Variants in PCDH15 observed in about 807,000 individuals in gnomAD.
PCDH15 encodes protocadherin related 15.
Under a neutral mutation model 178.5 loss-of-function variants are expected in PCDH15, and 129 were observed. The observed-to-expected ratio is 0.72, with a 90% CI of 0.63 to 0.84. PCDH15 has a LOEUF of 0.84. PCDH15 is among the 40% of genes least tolerant of loss of function. PCDH15 has a pLI of 0.00. For missense variants in PCDH15, 2,230 were observed against 2,099.9 expected (o/e 1.06, Z -1.21); for synonymous variants, 800 against 732.0 (o/e 1.09, Z -1.50).
At chr10:54,111,917 A>G (rs1481617064) in intron 15 of PCDH15, among the ~76,000 whole-genome samples, 2 of 149,846 alleles carry the variant, frequency 1.3e-5, no homozygotes, top group African/African-American at 4.9e-5. Context: ...ACTTGAGGTC[A>G]GGAGTTCAAG....
chr10:54,408,880 A>G (rs1953063767), intron 3 of PCDH15, among the ~76,000 whole-genome samples: 2 of 152,132 alleles, frequency 1.3e-5, no homozygotes, highest in South Asian at 4.1e-4. Flanking sequence ...AGGCATCTGG[A>G]TCATGGGAAA....
In PCDH15 at chr10:54,619,173, T is replaced by C. The variant is rs568653162; in HGVS notation, c.91+44999A>G. The C allele has an allele frequency of 1.1e-4, 16 of 152,088 alleles. No homozygotes were observed. The South Asian group carries it at 1.9e-3, about 18-fold the overall frequency. 9.4% of individuals were successfully genotyped at this position (152,088 alleles called of 1,614,324 possible). A position where few individuals can be genotyped will look rare whatever the true frequency, so the allele number is the denominator to read the frequency against. On this transcript the variant is annotated intron_variant, in intron 2 of 37. Coordinates refer to ENST00000644397, the MANE Select transcript of PCDH15 (RefSeq NM_001384140.1). ...AAAAAAAATGTTAAATAAAAGACAA[T>C]GAAATTGAAGACCCCTCCTGGAGAA...
intron 1 of PCDH15, among the ~76,000 whole-genome samples, chr10:54,723,132 G>A (rs1005717117): frequency 7.3e-5 from 11 of 151,558 alleles, no homozygotes; most frequent in African/African-American, 2.7e-4. Context: ...ATCACATTGT[G>A]TGATTTCAAA....
chr10:54,503,351 C>G (rs1049350462), intron 3 of PCDH15, among the ~76,000 whole-genome samples: 2 of 146,836 alleles, frequency 1.4e-5, no homozygotes, highest in Non-Finnish European at 3.0e-5. Flanking sequence ...TAAGACAACA[C>G]AGAGAGAATA....
chr10:53,841,494 C>T (rs1012632546), intron 28 of PCDH15, among the ~76,000 whole-genome samples: 2 of 152,054 alleles, frequency 1.3e-5, no homozygotes, highest in East Asian at 1.9e-4. Flanking sequence ...AGTATATTCC[C>T]TTAAGAGTCT....
chr10:54,600,192 A>G (rs1590391724), intron 2 of PCDH15: 1 of 634,028 alleles, frequency 1.6e-6, no homozygotes, highest in Non-Finnish European at 2.9e-6. Flanking sequence ...CCATTACCAA[A>G]TTGGTAAAGG....
At chr10:54,001,267 T>C (rs956769140) in intron 20 of PCDH15, among the ~76,000 whole-genome samples, 14 of 152,150 alleles carry the variant, frequency 9.2e-5, no homozygotes, top group African/African-American at 2.7e-4. Flanking sequence ...GGTAATAGTA[T>C]GTACACAGGA....
intron 20 of PCDH15, among the ~76,000 whole-genome samples, chr10:54,010,903 T>C (rs2092560494): frequency 6.6e-6 from 1 of 152,052 alleles, no homozygotes; most frequent in Admixed American, 6.5e-5. Flanking sequence ...AAGGAGGGGC[T>C]CCTACAGTCA....
intron 2 of PCDH15, among the ~76,000 whole-genome samples, chr10:55,620,992 T>C (rs1229217112): frequency 6.6e-6 from 1 of 151,802 alleles, no homozygotes; most frequent in East Asian, 1.9e-4. Context: ...TAATACATAA[T>C]GCATTAGTAA....
At chr10:55,136,546 G>T (rs1057149513) in intron 2 of PCDH15, among the ~76,000 whole-genome samples, 1 of 151,998 alleles carries the variant, frequency 6.6e-6, no homozygotes, top group Non-Finnish European at 1.5e-5. Flanking sequence ...AGTTTCATAC[G>T]TGAATGAACC....
intron 3 of PCDH15, among the ~76,000 whole-genome samples, chr10:54,843,091 G>C (rs766634486): frequency 5.9e-4 from 89 of 151,906 alleles, no homozygotes; most frequent in Admixed American, 7.2e-4. Context: ...GTAATACTGA[G>C]AGCATACCCT....
intron 2 of PCDH15, among the ~76,000 whole-genome samples, chr10:55,411,838 G>A (rs1048342389): frequency 6.6e-6 from 1 of 151,930 alleles, no homozygotes. Flanking sequence ...AGATAATCCT[G>A]CAGTTAGGTA....
At chr10:54,789,066 T>G (rs1037707186) in intron 1 of PCDH15, among the ~76,000 whole-genome samples, 1 of 151,918 alleles carries the variant, frequency 6.6e-6, no homozygotes, top group African/African-American at 2.4e-5. Flanking sequence ...GCTGATTTTT[T>G]TTCTATGAGA....
At chr10:54,427,379 A>G (rs570699376) in intron 3 of PCDH15, among the ~76,000 whole-genome samples, 1 of 146,964 alleles carries the variant, frequency 6.8e-6, no homozygotes, top group South Asian at 2.1e-4. Context: ...CCTGGGTTCA[A>G]TTGATTCTCC....
intron 2 of PCDH15, among the ~76,000 whole-genome samples, chr10:54,975,238 G>T (rs528280616): frequency 5.9e-5 from 9 of 152,226 alleles, no homozygotes; most frequent in Admixed American, 3.9e-4. Context: ...GTCATTAGGT[G>T]CCTATAGCAG....
intron 2 of PCDH15, among the ~76,000 whole-genome samples, chr10:55,425,162 A>C (rs1335956936): frequency 6.6e-6 from 1 of 151,876 alleles, no homozygotes; most frequent in Non-Finnish European, 1.5e-5. Flanking sequence ...TATGCTCTTA[A>C]ATTATATAAT....
intron 10 of PCDH15, among the ~76,000 whole-genome samples, chr10:54,213,015 T>C (rs576745814): frequency 1.3e-5 from 2 of 152,318 alleles, no homozygotes; most frequent in African/African-American, 4.8e-5. Flanking sequence ...TCATTCTCAG[T>C]AAGCTTCCCT....
chr10:54,622,503 A>C (rs183581880), intron 2 of PCDH15, among the ~76,000 whole-genome samples: 1 of 136,950 alleles, frequency 7.3e-6, no homozygotes, highest in Non-Finnish European at 1.5e-5. Context: ...CTATTCTACA[A>C]ACCACTTTAA....
chr10:54,331,000 A>C (rs371250713), intron 6 of PCDH15, among the ~76,000 whole-genome samples: 94 of 151,680 alleles, frequency 6.2e-4, no homozygotes, highest in African/African-American at 2.1e-3. Flanking sequence ...TGAGAGGAAA[A>C]GGCAAGGGGA....
Sources: allele counts gnomAD v4.1 joint callset (sites outside exome capture counted in the v4.1 genomes callset), GRCh38; gene constraint gnomAD v4.1.1; transcripts MANE v1.5; gene names NCBI Gene and HGNC (gene_info 2026-07-23, HGNC 2026-07-21).